MAN1A2: variants seen among roughly 807,000 people sequenced by gnomAD.
MAN1A2 encodes mannosidase alpha class 1A member 2.
In MAN1A2, 26 loss-of-function variants were observed where a neutral mutation model predicts 75.7. The ratio of observed to expected loss-of-function variants is 0.34; its 90% CI spans 0.25 to 0.48. The LOEUF is 0.48. Ranked by LOEUF, MAN1A2 falls within the 20% of genes least tolerant of loss-of-function variation. The pLI is 0.99. For missense variants in MAN1A2, 562 were observed against 775.5 expected, an observed-to-expected ratio of 0.72 and a Z score of 3.27; for synonymous variants, 247 against 264.6, an observed-to-expected ratio of 0.93 and a Z score of 0.65.
At chr1:117,440,818 A>C (rs1649007021) in intron 5 of MAN1A2, among the ~76,000 whole-genome samples, 1 of 152,138 alleles carries the variant, frequency 6.6e-6, no homozygotes, top group African/African-American at 2.4e-5. Flanking sequence ...TATTAATATT[A>C]GTTTCTAGAT....
intron 1 of MAN1A2, among the ~76,000 whole-genome samples, chr1:117,372,603 G>A (rs1369391628): frequency 1.3e-5 from 2 of 151,982 alleles, no homozygotes; most frequent in African/African-American, 4.8e-5. Flanking sequence ...GTGTAGTTTG[G>A]TGTTGATTAT....
intron 12 of MAN1A2, among the ~76,000 whole-genome samples, chr1:117,517,690 A>G (rs1651752319): frequency 6.6e-6 from 1 of 152,066 alleles, no homozygotes; most frequent in Non-Finnish European, 1.5e-5. Context: ...TAGAATCTCC[A>G]AAGAAGAGAA....
chr1:117,458,513 ATATATATATAT>A (rs1490878788), intron 6 of MAN1A2, among the ~76,000 whole-genome samples: 2 of 69,356 alleles, frequency 2.9e-5, no homozygotes, highest in South Asian at 5.6e-4. Context: ...ATATATATAG[ATATATATATAT>A]TTTTTTTTTT....
intron 3 of MAN1A2, among the ~76,000 whole-genome samples, chr1:117,407,721 T>C (rs1388589061): frequency 1.3e-5 from 2 of 152,224 alleles, no homozygotes; most frequent in East Asian, 3.9e-4. Flanking sequence ...AAAAGAAAAC[T>C]TAATCAGCTG....
At chr1:117,456,138 G>T (rs1262282586) in intron 6 of MAN1A2, among the ~76,000 whole-genome samples, 2 of 152,136 alleles carry the variant, frequency 1.3e-5, no homozygotes, top group Admixed American at 6.5e-5. Context: ...GACTAAGGAA[G>T]ACATCTACAA....
rs1384026873 is a variant in MAN1A2, at chr1:117,451,927, G to T, written c.951-8562G>T. Among the ~76,000 whole-genome samples, 9 of 152,094 alleles carry T rather than the reference G, an allele frequency of 5.9e-5. 1 individual carries two copies. Among genetic ancestry groups the T allele is most frequent in the Admixed American group, 5.9e-4 (9 of 15,262 alleles). On this transcript the variant is annotated intron_variant, in intron 6 of 12. Coordinates refer to ENST00000356554, the MANE Select transcript of MAN1A2 (RefSeq NM_006699.5). The stretch of plus-strand genomic sequence containing the variant: ...TGTGTGAGTCCAGGAGGCGGAGCTT[G>T]CAGCGAGCTGAAATTGTGCCACTGC...
chr1:117,379,820 C>T (rs549518049), intron 1 of MAN1A2, among the ~76,000 whole-genome samples: 3 of 152,084 alleles, frequency 2.0e-5, no homozygotes, highest in Admixed American at 1.3e-4. Flanking sequence ...ATTAGCACTT[C>T]ATTTCTTTTT....
chr1:117,431,313 G>A lies in MAN1A2; in HGVS notation c.855+10664G>A, dbSNP rs183793443. ...CATTAAAACATAAGCAAATGTGTAG[G>A]CATCAAATAACAGAGCTTTGAAATG... On this transcript the variant is annotated intron_variant, in intron 5 of 12. Coordinates refer to ENST00000356554, the MANE Select transcript of MAN1A2 (RefSeq NM_006699.5). Among the ~76,000 whole-genome samples the A allele has an allele frequency of 2.1e-3, 312 of 150,676 alleles. 1 individual carries two copies. The highest frequency in any genetic ancestry group is 3.9e-3 in the Non-Finnish European group (264 of 67,808).
intron 8 of MAN1A2, among the ~76,000 whole-genome samples, chr1:117,487,723 G>GT (rs1229009894): frequency 6.6e-6 from 1 of 151,866 alleles, no homozygotes; most frequent in Non-Finnish European, 1.5e-5. Context: ...CTGCTCTCTT[G>GT]TTTATTACCA....
chr1:117,420,530 A>G, intron 4 of MAN1A2, 39 bp from the exon 5 acceptor site: 2 of 1,361,072 alleles, frequency 1.5e-6, no homozygotes, highest in Middle Eastern at 1.8e-4. Flanking sequence ...ACTATAAAGC[A>G]TTACGTATTT....
At chr1:117,448,380 G>T (rs1649305308) in intron 6 of MAN1A2, among the ~76,000 whole-genome samples, 1 of 152,060 alleles carries the variant, frequency 6.6e-6, no homozygotes, top group Non-Finnish European at 1.5e-5. Context: ...TCATTATTCT[G>T]TAGCCCAGAG....
chr1:117,489,050 A>G (rs1453895613), intron 8 of MAN1A2, among the ~76,000 whole-genome samples: 3 of 152,058 alleles, frequency 2.0e-5, no homozygotes, highest in Admixed American at 1.3e-4. Context: ...TCAACAGCAT[A>G]TAATAGATAT....
intron 5 of MAN1A2, among the ~76,000 whole-genome samples, chr1:117,429,414 G>A (rs1228494582): frequency 7.6e-5 from 10 of 131,816 alleles, no homozygotes; most frequent in African/African-American, 2.6e-4. Flanking sequence ...CGGACGGGGC[G>A]GCTGGCCGGG....
At chr1:117,425,003 C>G (rs1450239705) in intron 5 of MAN1A2, among the ~76,000 whole-genome samples, 1 of 151,684 alleles carries the variant, frequency 6.6e-6, no homozygotes, top group African/African-American at 2.4e-5. Flanking sequence ...CAGGAGATAG[C>G]CACCTTCATA....
intron 12 of MAN1A2, among the ~76,000 whole-genome samples, chr1:117,512,750 TACACACAC>T (rs3050979): frequency 2.2e-4 from 32 of 143,854 alleles, no homozygotes; most frequent in South Asian, 9.2e-4. Context: ...GGCACTGGGA[TACACACAC>T]ACACACACAC....
intron 9 of MAN1A2, among the ~76,000 whole-genome samples, chr1:117,496,001 G>A (rs1651027086): frequency 6.6e-6 from 1 of 151,892 alleles, no homozygotes; most frequent in Non-Finnish European, 1.5e-5. Context: ...GAATACAGGT[G>A]ATGAGTAAGA....
intron 1 of MAN1A2, among the ~76,000 whole-genome samples, chr1:117,383,777 C>A (rs1055262149): frequency 6.6e-6 from 1 of 151,332 alleles, no homozygotes; most frequent in Non-Finnish European, 1.5e-5. Flanking sequence ...CGTTGGGGGT[C>A]TGTGTTGCCC....
chr1:117,482,643 G>A (rs375347048), intron 8 of MAN1A2, among the ~76,000 whole-genome samples: 5 of 151,728 alleles, frequency 3.3e-5, no homozygotes, highest in South Asian at 2.1e-4. Context: ...GATATTAGCC[G>A]CTTGTCAGAT....
chr1:117,464,020 C>G (rs140817073), intron 7 of MAN1A2, among the ~76,000 whole-genome samples: 1 of 152,024 alleles, frequency 6.6e-6, no homozygotes, highest in Non-Finnish European at 1.5e-5. Flanking sequence ...AACGTATGGG[C>G]CTTCCTGAAG....
Sources: allele counts gnomAD v4.1 joint callset (sites outside exome capture counted in the v4.1 genomes callset), GRCh38; gene constraint gnomAD v4.1.1; transcripts MANE v1.5; gene names NCBI Gene and HGNC (gene_info 2026-07-23, HGNC 2026-07-21).